The following PAX7 variants were observed in gnomAD, a reference collection of about 807,000 sequenced individuals.
The protein encoded by PAX7 is paired box protein Pax-7.
In PAX7, 18 loss-of-function variants were observed where a neutral mutation model predicts 50.7. The ratio of observed to expected loss-of-function variants is 0.36; its 90% CI spans 0.25 to 0.53. The LOEUF is 0.53. Among genes scored for constraint, PAX7 ranks in the 20% least tolerant of loss-of-function variants. The probability of loss-of-function intolerance (pLI) is 0.93; values close to 1 mark genes in which losing one functional copy is unlikely to be tolerated. For synonymous variants in PAX7, 310 were observed against 290.4 expected (o/e 1.07, Z -0.69); for missense variants, 644 against 702.9 (o/e 0.92, Z 0.95).
intron 4 of PAX7, among the ~76,000 whole-genome samples, chr1:18,687,291 C>T (rs567659859): frequency 6.6e-6 from 1 of 152,188 alleles, no homozygotes; most frequent in African/African-American, 2.4e-5. Flanking sequence ...AACCAAGGTC[C>T]TGAGAAGGGG....
At chr1:18,654,155 C>G (rs1452000216) in intron 4 of PAX7, among the ~76,000 whole-genome samples, 1 of 152,198 alleles carries the variant, frequency 6.6e-6, no homozygotes, top group Non-Finnish European at 1.5e-5. Context: ...AGGCAGTTCA[C>G]AGAGTCTGCC....
At position 18,746,991 on chromosome 1, in the gene PAX7, G is replaced by T. The variant is rs1300280211; in HGVS notation, c.*2062G>T. 1 of 231,118 alleles carries T rather than the reference G, an allele frequency of 4.3e-6. No homozygotes were observed. The highest frequency in any genetic ancestry group is 6.1e-5 in the East Asian group (1 of 16,320). 14.3% of individuals were successfully genotyped at this position (231,118 alleles called of 1,614,324 possible). A position where few individuals can be genotyped will look rare whatever the true frequency, so the allele number is the denominator to read the frequency against. On this transcript the variant is annotated 3_prime_UTR_variant, in exon 9 of 9. Transcript: ENST00000420770. ...GAGCGTCCACTGCCAGAGACCTTTG[G>T]CTCTTCAAGCTCGGGACAAAAAAGA...
At chr1:18,663,303 A>AG (rs2088625590) in intron 4 of PAX7, among the ~76,000 whole-genome samples, 1 of 152,238 alleles carries the variant, frequency 6.6e-6, no homozygotes. Context: ...GATAAGACTG[A>AG]GGGCCAGAGA....
intron 7 of PAX7, among the ~76,000 whole-genome samples, chr1:18,705,385 C>G (rs1160857682): frequency 1.3e-5 from 2 of 152,142 alleles, no homozygotes; most frequent in African/African-American, 4.8e-5. Context: ...CTTGGTGGTA[C>G]AAAACAAATT....
chr1:18,692,978 T>C (rs2089096931), intron 5 of PAX7, among the ~76,000 whole-genome samples: 1 of 152,120 alleles, frequency 6.6e-6, no homozygotes. Flanking sequence ...CCAGGAGGCC[T>C]ACAGTTGTTC....
At chr1:18,734,736 T>C (rs2089690177) in intron 7 of PAX7, among the ~76,000 whole-genome samples, 1 of 152,110 alleles carries the variant, frequency 6.6e-6, no homozygotes, top group African/African-American at 2.4e-5. Flanking sequence ...ACCCAGACCC[T>C]TCCTCCTCCT....
intron 4 of PAX7, among the ~76,000 whole-genome samples, chr1:18,675,623 C>A (rs1204416418): frequency 6.6e-6 from 1 of 152,212 alleles, no homozygotes; most frequent in Non-Finnish European, 1.5e-5. Flanking sequence ...GCTCTCTGAA[C>A]AGCTTTGCAG....
At chr1:18,711,565 G>T (rs759138421) in intron 7 of PAX7, among the ~76,000 whole-genome samples, 7 of 152,148 alleles carry the variant, frequency 4.6e-5, no homozygotes, top group Non-Finnish European at 1.0e-4. Flanking sequence ...GGTGCCAGGT[G>T]CAGGGGGTTC....
At position 18,726,145 on chromosome 1, in the gene PAX7, AGTGTGTGTGTGTGTGT is replaced by A. The variant is rs35982827; in HGVS notation, c.1156-9468_1156-9453del. 1.0e-4 allele frequency among the ~76,000 whole-genome samples: 14 copies of A among 137,498 alleles called. No homozygotes were observed. Among genetic ancestry groups the A allele is most frequent in the African/African-American group, 3.8e-4 (14 of 36,582 alleles). The allele number at this position is 137,498 out of a possible 152,430, so 90.2% of individuals were successfully genotyped here. On this transcript the variant is annotated intron_variant, in intron 7 of 8. Coordinates refer to ENST00000420770, the MANE Select transcript of PAX7 (RefSeq NM_001135254.2). The surrounding 1 kb of genome is among the most constrained non-coding windows in gnomAD (Gnocchi z 4.8). Reference sequence around the variant, plus strand: ...ATAAAACAGACATTGGAAGAGTGTGAGTGTGTGTGTGTGTGTGTGTGTGTGTGTGTGTGTCTTTGAC... The same window carrying A: ...ATAAAACAGACATTGGAAGAGTGTGAGTGTGTGTGTGTGTGTGTCTTTGAC...
Position 18,634,667 on chromosome 1 carries a change from A to C in PAX7, c.321+129A>C, listed in dbSNP as rs2088116142. On this transcript the variant is annotated intron_variant, in intron 2 of 8. Coordinates refer to ENST00000420770, the MANE Select transcript of PAX7 (RefSeq NM_001135254.2). The surrounding 1 kb of genome is among the most constrained non-coding windows in gnomAD (Gnocchi z 4.0). Reference sequence around the variant, plus strand: ...CAGCTGGAGGGTGTCTTCTACTCCCAGATGTCCTCCCATTGTTTTCCTATT... The same window carrying C: ...CAGCTGGAGGGTGTCTTCTACTCCCCGATGTCCTCCCATTGTTTTCCTATT... 1 of 686,826 alleles carries C rather than the reference A, an allele frequency of 1.5e-6. No homozygotes were observed. The highest frequency in any genetic ancestry group is 2.5e-6 in the Non-Finnish European group (1 of 407,256). 42.5% of individuals were successfully genotyped at this position (686,826 alleles called of 1,614,324 possible).
At position 18,700,783 on chromosome 1, in the gene PAX7, C is replaced by T. The variant is rs748155378; in HGVS notation, c.917C>T (p.Pro306Leu). 7.6e-6 allele frequency: 12 copies of T among 1,575,266 alleles called. No individual in the cohort carries two copies. The highest frequency in any genetic ancestry group is 9.5e-6 in the Non-Finnish European group (11 of 1,161,164). ...GMPTLPPYQL[P>L]DSTYPTTTIS... Reference sequence around the variant, plus strand: ...CCCACGCTGCCCCCCTACCAGCTGCCGGACTCCACCTACCCCACCACCACC... The same window carrying T: ...CCCACGCTGCCCCCCTACCAGCTGCTGGACTCCACCTACCCCACCACCACC... The change falls in exon 6 of 9, where the codon CCG (proline) becomes CTG (leucine). Residue 306 changes from proline to leucine, a missense_variant. By Grantham distance (98) the Pro-to-Leu change is moderately conservative (BLOSUM62 -3). Coordinates refer to ENST00000420770, the MANE Select transcript of PAX7 (RefSeq NM_001135254.2). This position sits in a 1 kb window ranked among gnomAD's most constrained non-coding sequence, Gnocchi z 4.8.
chr1:18,660,028 T>G (rs942234608), intron 4 of PAX7, among the ~76,000 whole-genome samples: 1 of 152,192 alleles, frequency 6.6e-6, no homozygotes, highest in African/African-American at 2.4e-5. Context: ...AGCATGGATG[T>G]AGGAGGTCGG....
intron 4 of PAX7, among the ~76,000 whole-genome samples, chr1:18,657,160 G>A (rs2088534275): frequency 6.6e-6 from 1 of 152,078 alleles, no homozygotes; most frequent in Admixed American, 6.6e-5. Context: ...CGCACAATCA[G>A]GGGGACAGGT....
At chr1:18,737,734 AT>A (rs1930863196) in intron 8 of PAX7, among the ~76,000 whole-genome samples, 1 of 152,282 alleles carries the variant, frequency 6.6e-6, no homozygotes, top group Non-Finnish European at 1.5e-5. Flanking sequence ...GTGCACACAT[AT>A]ATGTAAGTAT....
In PAX7 at chr1:18,745,158, G is replaced by C. The variant is rs1931379508; in HGVS notation, c.*229G>C. The C allele has an allele frequency of 1.8e-6, 1 of 561,222 alleles. No homozygotes were observed. Among genetic ancestry groups the C allele is most frequent in the African/African-American group, 1.9e-5 (1 of 53,216 alleles). 34.8% of individuals were successfully genotyped at this position (561,222 alleles called of 1,614,324 possible). A position where few individuals can be genotyped will look rare whatever the true frequency, so the allele number is the denominator to read the frequency against. Reference sequence around the variant, plus strand: ...TCTGCTCCCCACTTTCCCCAAGGAGGGTTTCTGGTCAGCCTGAGGTCCTCC... The same window carrying C: ...TCTGCTCCCCACTTTCCCCAAGGAGCGTTTCTGGTCAGCCTGAGGTCCTCC... On this transcript the variant is annotated 3_prime_UTR_variant, in exon 9 of 9. Coordinates refer to ENST00000420770, the MANE Select transcript of PAX7 (RefSeq NM_001135254.2).
At chr1:18,701,710 C>T (rs931409683) in intron 6 of PAX7, among the ~76,000 whole-genome samples, 5 of 152,180 alleles carry the variant, frequency 3.3e-5, no homozygotes, top group Admixed American at 1.3e-4. Flanking sequence ...GGGTGAACAG[C>T]CCTAGGCCAG....
chr1:18,654,596 A>T (rs1428450421), intron 4 of PAX7, among the ~76,000 whole-genome samples: 2 of 152,226 alleles, frequency 1.3e-5, no homozygotes, highest in Non-Finnish European at 2.9e-5. Context: ...GTAGCAGAGG[A>T]AAAAAACCAC....
intron 7 of PAX7, among the ~76,000 whole-genome samples, chr1:18,715,820 G>T (rs892860763): frequency 3.4e-4 from 51 of 152,188 alleles, no homozygotes; most frequent in African/African-American, 1.2e-3. Flanking sequence ...GGGGTCTGAG[G>T]CTCCAGCAGG....
intron 4 of PAX7, among the ~76,000 whole-genome samples, chr1:18,640,387 G>A (rs994642353): frequency 6.6e-6 from 1 of 151,934 alleles, no homozygotes; most frequent in Non-Finnish European, 1.5e-5. Flanking sequence ...TAGGGGAAGG[G>A]GGGCACGGCT....
Sources: gnomAD v4.1 joint callset for allele counts (sites outside exome capture counted in the v4.1 genomes callset) on GRCh38, gnomAD v4.1.1 for gene constraint, Gnocchi (gnomAD v3.1) non-coding constraint, MANE v1.5 for transcripts, NCBI Gene and HGNC (gene_info 2026-07-23, HGNC 2026-07-21) for gene names.